Variants in ADGRG2 observed in about 807,000 individuals in gnomAD.
ADGRG2 encodes G protein-coupled receptor 64.
In ADGRG2, 26 loss-of-function variants were observed where a neutral mutation model predicts 74.1. The observed-to-expected ratio is 0.35, with a 90% CI of 0.26 to 0.49. ADGRG2 has a LOEUF of 0.49. Among genes scored for constraint, ADGRG2 ranks in the 20% least tolerant of loss-of-function variants. The pLI, the probability that ADGRG2 is intolerant of heterozygous loss-of-function variation, is 0.99. For synonymous variants in ADGRG2, 296 were observed against 295.2 expected (o/e 1.00, Z -0.03); for missense variants, 619 against 763.1 (o/e 0.81, Z 2.22).
chrX:19,094,807 G>A (rs748040656), intron 1 of ADGRG2, among the ~76,000 whole-genome samples: 1 of 112,769 alleles, frequency 8.9e-6, no homozygotes, highest in Non-Finnish European at 1.9e-5. Context: ...AGGGTGGAGG[G>A]AGCCAGAACG....
chrX:19,007,362 C>T lies in ADGRG2; in HGVS notation c.1567-5G>A. 8.3e-7 allele frequency: 1 copy of T among 1,205,627 alleles called. No homozygotes were observed. Among genetic ancestry groups the T allele is most frequent in the South Asian group, 1.8e-5 (1 of 56,815 alleles). ...GAGGTTCTCCAGGGAAGGATCCTGG[C>T]ACATCAAGATGGCAAGGGTAAATGA... On this transcript the variant is annotated splice_region_variant and splice_polypyrimidine_tract_variant and intron_variant, in intron 19 of 28. Transcript: ENST00000379869.
intron 3 of ADGRG2, among the ~76,000 whole-genome samples, chrX:19,052,569 T>A (rs2061341451): frequency 9.2e-6 from 1 of 108,868 alleles, no homozygotes; most frequent in Non-Finnish European, 1.9e-5. Context: ...ATATTATTTA[T>A]ATATATAAAA....
At position 18,995,009 on chromosome X, in the gene ADGRG2, G is replaced by A; in HGVS notation, c.2756C>T (p.Thr919Ile). The A allele has an allele frequency of 4.2e-6, 5 of 1,203,728 alleles. No homozygotes were observed. Among genetic ancestry groups the A allele is most frequent in the Middle Eastern group, 2.3e-4 (1 of 4,330 alleles). ...AGAGCTGGACACTCCTTGGTTTACA[G>A]TCTGCTTCTTTAAACCATTAGTAGC... is the stretch of plus-strand genomic sequence containing the variant. The part of the protein sequence containing the change: ...KTATNGLKKQ[T>I]VNQGVSSSSN... Residue 919 changes from threonine (T) to isoleucine (I), a missense_variant, in exon 28 of 29, where the codon ACT becomes ATT. Around this residue, in one of 3 missense-constraint regions of ADGRG2, gnomAD observed 106 missense variants for 104.5 expected, o/e 1.01. Coordinates refer to ENST00000379869, the MANE Select transcript of ADGRG2 (RefSeq NM_001079858.3).
At chrX:19,082,072 C>CAAAAAAA (rs57534658) in intron 2 of ADGRG2, among the ~76,000 whole-genome samples, 51 of 21,006 alleles carry the variant, frequency 2.4e-3, no homozygotes, top group African/African-American at 4.8e-3. Context: ...GACCCTGTCT[C>CAAAAAAA]AAAAAAAAAA....
intron 1 of ADGRG2, among the ~76,000 whole-genome samples, chrX:19,095,105 T>A (rs1474304860): frequency 8.9e-6 from 1 of 111,960 alleles, no homozygotes; most frequent in East Asian, 2.8e-4. Flanking sequence ...CGCAGGCGTC[T>A]GGACGCTGCC....
At chrX:19,017,157 G>A (rs1471970111) in intron 15 of ADGRG2, among the ~76,000 whole-genome samples, 1 of 111,903 alleles carries the variant, frequency 8.9e-6, no homozygotes. Context: ...CAGCAACACT[G>A]GCTTCACCTG....
chrX:19,066,445 CTT>C lies in ADGRG2; in HGVS notation c.118+2270_118+2271del, dbSNP rs1225489257. 5.9e-3 allele frequency among the ~76,000 whole-genome samples: 237 copies of C among 39,880 alleles called. 1 individual carries two copies. Among genetic ancestry groups the C allele is most frequent in the African/African-American group, 0.025 (222 of 8,874 alleles). 34.6% of individuals were successfully genotyped at this position (39,880 alleles called of 115,157 possible). A position where few individuals can be genotyped will look rare whatever the true frequency, so the allele number is the denominator to read the frequency against. On this transcript the variant is annotated intron_variant, in intron 3 of 28. Transcript: ENST00000379869. ...AGTCCCATTCCTAATGAGGATGCTT[CTT>C]TTTTTTTTTTTTTTTTTTTTTTTTT... is the stretch of plus-strand genomic sequence containing the variant.
rs192797263 is a variant in ADGRG2, at chrX:19,037,361, G to A, written c.226+106C>T. On this transcript the variant is annotated intron_variant, in intron 6 of 28. Coordinates refer to ENST00000379869, the MANE Select transcript of ADGRG2 (RefSeq NM_001079858.3). Reference sequence around the variant, plus strand: ...TGTTTTGGGTTATTTGAAACTACTCGACGTATTCAGAAATAATTTAGAAAT... The same window carrying A: ...TGTTTTGGGTTATTTGAAACTACTCAACGTATTCAGAAATAATTTAGAAAT... 7.8e-4 allele frequency: 464 copies of A among 591,817 alleles called. 3 individuals are homozygous for A. The African/African-American group carries it at 0.01, about 13-fold the overall frequency. The allele number at this position is 591,817 out of a possible 1,213,427, so 48.8% of individuals were successfully genotyped here.
chrX:19,097,612 T>C (rs926077772), intron 1 of ADGRG2, among the ~76,000 whole-genome samples: 3 of 112,104 alleles, frequency 2.7e-5, no homozygotes, highest in Admixed American at 1.9e-4. Flanking sequence ...AAAGTGTGAA[T>C]GCTATTTGAG....
At chrX:19,044,068 C>T (rs1324265556) in intron 3 of ADGRG2, among the ~76,000 whole-genome samples, 1 of 111,889 alleles carries the variant, frequency 8.9e-6, no homozygotes, top group Non-Finnish European at 1.9e-5. Flanking sequence ...GCATGTCAGA[C>T]GTCCAGTAGG....
At chrX:19,051,593 G>C (rs141458902) in intron 3 of ADGRG2, among the ~76,000 whole-genome samples, 1 of 111,744 alleles carries the variant, frequency 8.9e-6, no homozygotes, top group African/African-American at 3.3e-5. Context: ...TTGACTAAGA[G>C]AATATGGTGC....
At chrX:19,073,075 C>T (rs1027989663) in intron 2 of ADGRG2, among the ~76,000 whole-genome samples, 2 of 112,348 alleles carry the variant, frequency 1.8e-5, no homozygotes, top group South Asian at 7.4e-4. Flanking sequence ...CTTGGGCCAT[C>T]CCCTTGGTGA....
At chrX:19,024,031 T>C in intron 11 of ADGRG2, 83 bp from the exon 12 acceptor site, 1 of 670,686 alleles carries the variant, frequency 1.5e-6, no homozygotes, top group Non-Finnish European at 2.5e-6. Context: ...AGCAATTAAA[T>C]CAAGCACATG....
chrX:19,064,434 C>G (rs1181254419), intron 3 of ADGRG2, among the ~76,000 whole-genome samples: 2 of 112,228 alleles, frequency 1.8e-5, no homozygotes, highest in South Asian at 7.5e-4. Flanking sequence ...GCAGCCAGTA[C>G]TGCTGGGCAC....
intron 1 of ADGRG2, 22 bp downstream of exon 1, chrX:19,122,420 C>T (rs770947762): frequency 8.9e-6 from 1 of 111,804 alleles, no homozygotes. Flanking sequence ...GGGCCAGACC[C>T]GTCCTGGCGC....
intron 26 of ADGRG2, among the ~76,000 whole-genome samples, chrX:18,998,600 C>CTT (rs768424519): frequency 0.018 from 1,449 of 81,167 alleles, 27 homozygotes; most frequent in African/African-American, 0.041. Flanking sequence ...ACAGATAGTA[C>CTT]TTTTTTTTTT....
chrX:19,016,030 G>A (rs1274292538), intron 15 of ADGRG2, among the ~76,000 whole-genome samples: 1 of 112,061 alleles, frequency 8.9e-6, no homozygotes, highest in Non-Finnish European at 1.9e-5. Flanking sequence ...GAGCAGTGGT[G>A]GGCAATGCCA....
chrX:19,052,379 C>T (rs1041358977), intron 3 of ADGRG2, among the ~76,000 whole-genome samples: 1 of 111,013 alleles, frequency 9.0e-6, no homozygotes, highest in African/African-American at 3.3e-5. Context: ...AGTGGTTGAT[C>T]ACAAAGTCAT....
intron 1 of ADGRG2, among the ~76,000 whole-genome samples, chrX:19,086,186 G>T (rs2061932981): frequency 9.0e-6 from 1 of 111,711 alleles, no homozygotes; most frequent in Non-Finnish European, 1.9e-5. Flanking sequence ...ATGAGGATCT[G>T]ATGAGCACCA....
Sources: gnomAD v4.1 joint callset for allele counts (sites outside exome capture counted in the v4.1 genomes callset) on GRCh38, gnomAD v4.1.1 for gene constraint, gnomAD v4.1.1 regional missense constraint, MANE v1.5 for transcripts, NCBI Gene and HGNC (gene_info 2026-07-23, HGNC 2026-07-21) for gene names.